ABCB1: variants seen among roughly 807,000 people sequenced by gnomAD.
ABCB1 encodes the protein ATP-dependent translocase ABCB1.
ABCB1 carries 69 observed loss-of-function variants against 142.0 expected under a neutral mutation model. The observed-to-expected ratio is 0.49, with a 90% CI of 0.40 to 0.59. The LOEUF is 0.59. ABCB1 is among the 20% of genes least tolerant of loss of function. The probability of loss-of-function intolerance (pLI) is 0.00; values close to 1 mark genes in which losing one functional copy is unlikely to be tolerated. For missense variants in ABCB1, 1,326 were observed against 1,554.7 expected (o/e 0.85, Z 2.47); for synonymous variants, 532 against 539.2 (o/e 0.99, Z 0.18).
chr7:87,688,791 CAT>C (rs1827730519), intron 1 of ABCB1, among the ~76,000 whole-genome samples: 1 of 151,808 alleles, frequency 6.6e-6, no homozygotes, highest in African/African-American at 2.4e-5. Context: ...CTGTTTGAGT[CAT>C]ATTATTGTAG....
intron 20 of ABCB1, among the ~76,000 whole-genome samples, chr7:87,533,828 T>C (rs936210310): frequency 2.0e-5 from 3 of 152,134 alleles, no homozygotes; most frequent in African/African-American, 7.2e-5. Flanking sequence ...CTTTCCTAGG[T>C]TGACAATGTT....
intron 1 of ABCB1, among the ~76,000 whole-genome samples, chr7:87,688,920 G>A (rs1047661377): frequency 2.0e-5 from 3 of 151,828 alleles, no homozygotes; most frequent in African/African-American, 7.3e-5. Flanking sequence ...AACCAAACTA[G>A]AATTTTCAAG....
intron 1 of ABCB1, among the ~76,000 whole-genome samples, chr7:87,636,286 G>A (rs770853348): frequency 2.0e-5 from 3 of 152,176 alleles, no homozygotes; most frequent in Non-Finnish European, 4.4e-5. Context: ...TTGTTGGGGT[G>A]TCACATGGTG....
intron 8 of ABCB1, among the ~76,000 whole-genome samples, chr7:87,556,715 A>C (rs1817327352): frequency 6.6e-6 from 1 of 152,116 alleles, no homozygotes; most frequent in South Asian, 2.1e-4. Context: ...GCATCCATTC[A>C]TGAGACCCAT....
At position 87,553,765 on chromosome 7, in the gene ABCB1, A is replaced by C. The variant is rs766673892; in HGVS notation, c.995T>G (p.Leu332Arg). The C allele has an allele frequency of 6.2e-7, 1 of 1,613,920 alleles. No homozygotes were observed. The highest frequency in any genetic ancestry group is 1.1e-5 in the South Asian group (1 of 91,084). ...TTCTCAATGTAAACCACTTACAGTG[A>C]GTACTTGTCCAATAGAATATTCCCC... ...LSGEYSIGQV[L>R]TVFFSVLIGA... The change falls in exon 9 of 28, where the codon CTC becomes CGC. Residue 332 changes from leucine (L) to arginine (R), a missense_variant. Physicochemically the swap from Leu to Arg is moderately radical, Grantham distance 102 (BLOSUM62 -2). Transcript: ENST00000622132.
chr7:87,571,711 C>T (rs1356925247), intron 4 of ABCB1, among the ~76,000 whole-genome samples: 1 of 152,188 alleles, frequency 6.6e-6, no homozygotes, highest in Non-Finnish European at 1.5e-5. Context: ...TGGTCTTGAA[C>T]ATTTTTGTTT....
chr7:87,569,033 T>C (rs984599565), intron 5 of ABCB1, among the ~76,000 whole-genome samples: 15 of 152,130 alleles, frequency 9.9e-5, no homozygotes, highest in Non-Finnish European at 2.2e-4. Context: ...CAAAATATGA[T>C]AAAGTGTCTC....
intron 1 of ABCB1, among the ~76,000 whole-genome samples, chr7:87,635,635 A>G (rs568697688): frequency 6.6e-6 from 1 of 152,144 alleles, no homozygotes; most frequent in Non-Finnish European, 1.5e-5. Flanking sequence ...ATTGACTTAT[A>G]CTTTCCATAT....
intron 3 of ABCB1, among the ~76,000 whole-genome samples, chr7:87,594,164 A>G (rs1819103232): frequency 6.6e-6 from 1 of 152,204 alleles, no homozygotes; most frequent in Admixed American, 6.6e-5. Context: ...CTATCTAAGT[A>G]GTAGAGTACT....
At chr7:87,626,097 TATTGTCATATATATGTGTC>T (rs1471077419) in intron 1 of ABCB1, among the ~76,000 whole-genome samples, 4 of 124,688 alleles carry the variant, frequency 3.2e-5, no homozygotes, top group African/African-American at 1.3e-4. Context: ...TATATATATA[TATTGTCATATATATGTGTC>T]ATATATATTG....
chr7:87,509,329 A>G lies in ABCB1; in HGVS notation c.3435T>C (p.Ile1145=), dbSNP rs1045642. Residue 1145 remains isoleucine (I), a synonymous_variant, in exon 26 of 28, where the codon ATT becomes ATC. Coordinates refer to ENST00000622132, the MANE Select transcript of ABCB1 (RefSeq NM_001348946.2). ...DNSRVVSQEE[I]VRAAKEANIH... ...TGTTGGCCTCCTTTGCTGCCCTCACAATCTCTTCCTGTGACACCACCCGGC... is the reference window on the plus strand; with the variant it reads ...TGTTGGCCTCCTTTGCTGCCCTCACGATCTCTTCCTGTGACACCACCCGGC... The G allele has an allele frequency of 0.48, 781,358 of 1,613,756 alleles. 196,010 individuals carry two copies. The highest frequency in any genetic ancestry group is 0.81 in the African/African-American group (60,515 of 74,922).
At chr7:87,539,377 C>A in intron 18 of ABCB1, 32 bp from the exon 19 acceptor site, 9 of 1,594,226 alleles carry the variant, frequency 5.6e-6, no homozygotes, top group Non-Finnish European at 7.7e-6. Flanking sequence ...GTCAGGGACC[C>A]AGCCACCATT....
At position 87,515,366 on chromosome 7, in the gene ABCB1, G is replaced by A. The variant is rs140661329; in HGVS notation, c.3147C>T (p.Asp1049=). 10 of 1,614,184 alleles carry A rather than the reference G, an allele frequency of 6.2e-6. No homozygotes were observed. The African/African-American group carries it at 1.1e-4, about 17-fold the overall frequency. The change falls in exon 25 of 28, where the codon GAC becomes GAT. Residue 1049 remains aspartate (D), a synonymous_variant. Transcript: ENST00000622132. ...EVVFNYPTRP[D]IPVLQGLSLE... ...GGCTCAGTCCCTGAAGCACTGGGAT[G>A]TCCGGTCGGGTGGGATAGTTGAATA...
intron 9 of ABCB1, among the ~76,000 whole-genome samples, chr7:87,551,152 G>A (rs1411157346): frequency 6.6e-6 from 1 of 151,984 alleles, no homozygotes; most frequent in Non-Finnish European, 1.5e-5. Flanking sequence ...CTCCCAAGTA[G>A]CTAGGACTAC....
At chr7:87,575,198 C>T (rs891631197) in intron 4 of ABCB1, among the ~76,000 whole-genome samples, 1 of 152,110 alleles carries the variant, frequency 6.6e-6, no homozygotes, top group Non-Finnish European at 1.5e-5. Context: ...CATTTAGTAA[C>T]TTTAATAACT....
chr7:87,672,308 C>T (rs76589011), intron 1 of ABCB1, among the ~76,000 whole-genome samples: 1,611 of 152,298 alleles, frequency 0.011, 28 homozygotes, highest in East Asian at 0.057. Flanking sequence ...ATCCTTTCCA[C>T]CTCTGGTCAG....
chr7:87,686,116 A>T (rs528366510), intron 1 of ABCB1, among the ~76,000 whole-genome samples: 20 of 152,276 alleles, frequency 1.3e-4, no homozygotes, highest in African/African-American at 4.6e-4. Context: ...CACTTGATGT[A>T]TACTTTCTGC....
upstream of ABCB1, among the ~76,000 whole-genome samples, chr7:87,602,784 C>T (rs898635649): frequency 2.0e-5 from 3 of 152,190 alleles, no homozygotes; most frequent in Non-Finnish European, 4.4e-5. Context: ...CTTTGCTCCA[C>T]TGACATGAAA....
At chr7:87,625,487 G>C (rs1244049711) in intron 1 of ABCB1, among the ~76,000 whole-genome samples, 2 of 152,096 alleles carry the variant, frequency 1.3e-5, no homozygotes, top group Non-Finnish European at 2.9e-5. Flanking sequence ...CCTCACTCAC[G>C]ACACACCCAA....
Sources: gnomAD v4.1 joint callset for allele counts (sites outside exome capture counted in the v4.1 genomes callset) on GRCh38, gnomAD v4.1.1 for gene constraint, MANE v1.5 for transcripts, NCBI Gene and HGNC (gene_info 2026-07-23, HGNC 2026-07-21) for gene names.